The following SPNS2 variants were observed in gnomAD, a reference collection of about 807,000 sequenced individuals.
The protein encoded by SPNS2 is sphingosine-1-phosphate transporter SPNS2.
SPNS2 carries 37 observed loss-of-function variants against 57.6 expected under a neutral mutation model. The ratio of observed to expected loss-of-function variants is 0.64; its 90% CI spans 0.49 to 0.85. The LOEUF is 0.85. SPNS2 is among the 40% of genes least tolerant of loss of function. SPNS2 has a pLI of 0.00. For synonymous variants in SPNS2, 440 were observed against 346.9 expected (o/e 1.27, Z -2.98); for missense variants, 831 against 779.1 (o/e 1.07, Z -0.79).
At chr17:4,535,090 C>A (rs996713057) in intron 9 of SPNS2, among the ~76,000 whole-genome samples, 1 of 81,512 alleles carries the variant, frequency 1.2e-5, no homozygotes, top group African/African-American at 3.1e-5. Context: ...GCTGGCACTC[C>A]AAAGAGGCGA....
intron 1 of SPNS2, among the ~76,000 whole-genome samples, chr17:4,506,655 G>A (rs572500584): frequency 6.6e-6 from 1 of 152,310 alleles, no homozygotes; most frequent in South Asian, 2.1e-4. Flanking sequence ...CTCCAGGGTG[G>A]TGTCTCTCTA....
intron 3 of SPNS2, among the ~76,000 whole-genome samples, chr17:4,528,153 G>A (rs1166870603): frequency 6.6e-6 from 1 of 151,848 alleles, no homozygotes; most frequent in African/African-American, 2.4e-5. Context: ...CTCCCAAGTA[G>A]CTGGGATTAC....
chr17:4,509,966 A>G (rs575223517), intron 1 of SPNS2, among the ~76,000 whole-genome samples: 2 of 152,328 alleles, frequency 1.3e-5, no homozygotes, highest in South Asian at 4.1e-4. Flanking sequence ...ACCAAACCTC[A>G]GCCTCCAGGA....
At position 4,537,810 on chromosome 17, in the gene SPNS2, G is replaced by C. The variant is rs557082669; in HGVS notation, c.*362G>C. 1.5e-5 allele frequency: 7 copies of C among 455,622 alleles called. No individual in the cohort carries two copies. Among genetic ancestry groups the C allele is most frequent in the Non-Finnish European group, 2.7e-5 (6 of 226,170 alleles). 28.2% of individuals were successfully genotyped at this position (455,622 alleles called of 1,614,324 possible). ...AGTCCCTGCCCTCCCTGGAACGAAG[G>C]GCCAGGGGGCTGGACTTTCCCACAC... On this transcript the variant is annotated 3_prime_UTR_variant, in exon 13 of 13. Transcript: ENST00000329078.
At chr17:4,507,779 AGTGCCAG>A (rs1274028997) in intron 1 of SPNS2, among the ~76,000 whole-genome samples, 3 of 152,212 alleles carry the variant, frequency 2.0e-5, no homozygotes, top group Non-Finnish European at 2.9e-5. Flanking sequence ...GACAAGCTTG[AGTGCCAG>A]GTGCCCTGTC....
rs957412600 is a variant in SPNS2 at position 4,499,960 on chromosome 17, G to A, written c.370+543G>A. Among the ~76,000 whole-genome samples, 1 of 152,176 alleles carries A rather than the reference G, an allele frequency of 6.6e-6. No individual in the cohort carries two copies. The highest frequency in any genetic ancestry group is 2.4e-5 in the African/African-American group (1 of 41,446). On this transcript the variant is annotated intron_variant, in intron 1 of 12. Coordinates refer to ENST00000329078, the MANE Select transcript of SPNS2 (RefSeq NM_001124758.3). This position sits in a 1 kb window ranked among gnomAD's most constrained non-coding sequence, Gnocchi z 5.2. ...TGTGCGCGTGGCGGCGCGGTTGTGT[G>A]TGAGCGCGTGGCTGACAAAGGCTCC...
chr17:4,503,882 G>A (rs1904599614), intron 1 of SPNS2, among the ~76,000 whole-genome samples: 1 of 152,132 alleles, frequency 6.6e-6, no homozygotes, highest in Non-Finnish European at 1.5e-5. Flanking sequence ...TAGGGACCCA[G>A]CTGGGAACAC....
chr17:4,527,872 G>C (rs1438745628), intron 3 of SPNS2, among the ~76,000 whole-genome samples: 2 of 150,620 alleles, frequency 1.3e-5, no homozygotes, highest in Non-Finnish European at 2.9e-5. Flanking sequence ...CCGTGGCCCA[G>C]CCTTCTACTT....
At chr17:4,515,334 G>T (rs1904957499) in intron 2 of SPNS2, among the ~76,000 whole-genome samples, 1 of 152,216 alleles carries the variant, frequency 6.6e-6, no homozygotes, top group Admixed American at 6.5e-5. Flanking sequence ...CCCAAGACAG[G>T]GAAATGGCTT....
chr17:4,519,081 C>G (rs1905071084), intron 2 of SPNS2, among the ~76,000 whole-genome samples: 1 of 152,204 alleles, frequency 6.6e-6, no homozygotes, highest in Non-Finnish European at 1.5e-5. Context: ...ATGGCAGAGC[C>G]TGGCCCCCGC....
chr17:4,506,021 A>G (rs1014235203), intron 1 of SPNS2, among the ~76,000 whole-genome samples: 2 of 152,160 alleles, frequency 1.3e-5, no homozygotes, highest in Admixed American at 6.5e-5. Context: ...TTGGTCACAC[A>G]GCTGTTTCCA....
In SPNS2 at chr17:4,533,043, G is replaced by A. The variant is rs375295357; in HGVS notation, c.1002G>A (p.Met334Ile). ...CCTTCGCCACGGGGGCCCTGGGCAT[G>A]TGGATCCCGCTCTACCTGCACCGCG... The part of the protein sequence containing the change: ...AVSFATGALG[M>I]WIPLYLHRAQ... Residue 334 changes from methionine to isoleucine, a missense_variant, in exon 7 of 13, where the codon ATG becomes ATA. Met to Ile is a conservative substitution (Grantham distance 10). Coordinates refer to ENST00000329078, the MANE Select transcript of SPNS2 (RefSeq NM_001124758.3). 27 of 1,613,320 alleles carry A rather than the reference G, an allele frequency of 1.7e-5. No individual in the cohort carries two copies. The African/African-American group carries it at 2.9e-4, about 18-fold the overall frequency.
intron 2 of SPNS2, among the ~76,000 whole-genome samples, chr17:4,515,753 A>G (rs1181436648): frequency 6.6e-6 from 1 of 152,076 alleles, no homozygotes; most frequent in Non-Finnish European, 1.5e-5. Context: ...GCTTGCCCAG[A>G]TCAAAGGGCC....
Position 4,533,735 on chromosome 17 carries a change from G to A in SPNS2, c.1279-53G>A, listed in dbSNP as rs2031062156. ...CCAGTGTGTAGGGAACAGAGACTGT[G>A]GTTGCTGCGGATGGAGGGACCGCTG... On this transcript the variant is annotated intron_variant, in intron 8 of 12. Transcript: ENST00000329078. 4.4e-6 allele frequency: 7 copies of A among 1,595,052 alleles called. No homozygotes were observed. In the South Asian group the frequency reaches 6.6e-5, roughly 15 times the overall value.
At position 4,513,244 on chromosome 17, in the gene SPNS2, C is replaced by T. The variant is rs767333131; in HGVS notation, c.371-3C>T. ...CAGTGAGCACCCTCTGTCTTCCCTC[C>T]AGGCGTCCTTCTGGACATCCAGCAG... On this transcript the variant is annotated splice_polypyrimidine_tract_variant and splice_region_variant and intron_variant, in intron 1 of 12. Transcript: ENST00000329078. The T allele has an allele frequency of 1.9e-6, 3 of 1,613,812 alleles. No individual in the cohort carries two copies. The highest frequency in any genetic ancestry group is 2.7e-5 in the African/African-American group (2 of 74,946).
Position 4,533,044 on chromosome 17 carries a change from T to C in SPNS2, c.1003T>C (p.Trp335Arg), listed in dbSNP as rs1420725382. Residue 335 changes from tryptophan (W) to arginine (R), a missense_variant, in exon 7 of 13, where the codon TGG (tryptophan) becomes CGG (arginine). Transcript: ENST00000329078. Reference sequence around the variant, plus strand: ...CTTCGCCACGGGGGCCCTGGGCATGTGGATCCCGCTCTACCTGCACCGCGC... The same window carrying C: ...CTTCGCCACGGGGGCCCTGGGCATGCGGATCCCGCTCTACCTGCACCGCGC... ...VSFATGALGM[W>R]IPLYLHRAQV... 6.2e-7 allele frequency: 1 copy of C among 1,613,366 alleles called. No homozygotes were observed. The highest frequency in any genetic ancestry group is 8.5e-7 in the Non-Finnish European group (1 of 1,179,940).
Position 4,537,516 on chromosome 17 carries a change from G to A in SPNS2, c.*68G>A, listed in dbSNP as rs576714419. The A allele has an allele frequency of 1.9e-4, 88 of 456,848 alleles. No individual in the cohort carries two copies. The highest frequency in any genetic ancestry group is 7.6e-4 in the African/African-American group (38 of 50,220). The allele number at this position is 456,848 out of a possible 1,614,324, so 28.3% of individuals were successfully genotyped here. On this transcript the variant is annotated 3_prime_UTR_variant, in exon 13 of 13. Transcript: ENST00000329078. ...GTCTGGGAGGTGTCCTACAGCGTCC[G>A]GGACCGGCTGGGCTGCCCCAAAGCT...
chr17:4,533,651 C>G, intron 8 of SPNS2, 137 bp from the exon 9 acceptor site: 1 of 1,086,812 alleles, frequency 9.2e-7, no homozygotes, highest in Non-Finnish European at 1.4e-6. Context: ...CTCTGGATAG[C>G]CCATGAATGG....
Position 4,511,699 on chromosome 17 carries a change from C to A in SPNS2, c.371-1548C>A, listed in dbSNP as rs902247679. Among the ~76,000 whole-genome samples the A allele has an allele frequency of 1.3e-5, 2 of 152,228 alleles. No individual in the cohort carries two copies. The highest frequency in any genetic ancestry group is 4.8e-5 in the African/African-American group (2 of 41,458). On this transcript the variant is annotated intron_variant, in intron 1 of 12. Coordinates refer to ENST00000329078, the MANE Select transcript of SPNS2 (RefSeq NM_001124758.3). This position sits in a 1 kb window ranked among gnomAD's most constrained non-coding sequence, Gnocchi z 4.6. ...ATTAAGTCATTAACTGGGCCTCACACAGCCTCTTCATTACGGGTAATTATG... is the reference window on the plus strand; with the variant it reads ...ATTAAGTCATTAACTGGGCCTCACAAAGCCTCTTCATTACGGGTAATTATG...
Sources: allele counts gnomAD v4.1 joint callset (sites outside exome capture counted in the v4.1 genomes callset), GRCh38; gene constraint gnomAD v4.1.1; non-coding constraint Gnocchi (gnomAD v3.1); transcripts MANE v1.5; gene names NCBI Gene and HGNC (gene_info 2026-07-23, HGNC 2026-07-21).